The following EVC2 variants were observed in gnomAD, a reference collection of about 807,000 sequenced individuals.
EVC2 encodes EvC ciliary complex subunit 2, also known as limbin.
A neutral mutation model predicts 149.3 loss-of-function variants in EVC2; 148 were observed. The observed-to-expected ratio is 0.99, with a 90% CI of 0.87 to 1.14. The LOEUF is 1.14. Among genes scored for constraint, EVC2 ranks in the 50% most tolerant of loss-of-function variants. The pLI, the probability that EVC2 is intolerant of heterozygous loss-of-function variation, is 0.00. For missense variants in EVC2, 1,854 were observed against 1,627.3 expected (o/e 1.14, Z -2.40); for synonymous variants, 776 against 649.9 (o/e 1.19, Z -2.95).
chr4:5,612,225 T>C (rs1245575250), intron 16 of EVC2, among the ~76,000 whole-genome samples: 2 of 152,210 alleles, frequency 1.3e-5, no homozygotes, highest in African/African-American at 4.8e-5. Flanking sequence ...AGCAAGACCT[T>C]AACTTTTAGC....
rs539250447 is a variant in EVC2, at chr4:5,636,813, T to C, written c.1470+3701A>G. ...GAATAATACATCCAAAATATTTTTA[T>C]GTATTTTATTTAAAGATGACTATAA... On this transcript the variant is annotated intron_variant, in intron 10 of 21. Coordinates refer to ENST00000344408, the MANE Select transcript of EVC2 (RefSeq NM_147127.5). The surrounding 1 kb of genome is among the most constrained non-coding windows in gnomAD (Gnocchi z 4.6). Among the ~76,000 whole-genome samples the C allele has an allele frequency of 6.6e-6, 1 of 152,232 alleles. No individual in the cohort carries two copies. Among genetic ancestry groups the C allele is most frequent in the Non-Finnish European group, 1.5e-5 (1 of 68,046 alleles).
Position 5,544,696 on chromosome 4 carries a change from T to G in EVC2, c.3420-1484A>C, listed in dbSNP as rs114765548. On this transcript the variant is annotated intron_variant and NMD_transcript_variant, in intron 21 of 22. Transcript: ENST00000475313. ...CACTTTGTAAACTCCAAAAATAGAA[T>G]CACAGAGAACTAAACAGAGAAGAGA... Among the ~76,000 whole-genome samples, 538 of 152,200 alleles carry G rather than the reference T, an allele frequency of 3.5e-3. 4 individuals are homozygous for G. Among genetic ancestry groups the G allele is most frequent in the African/African-American group, 0.013 (521 of 41,506 alleles).
intron 9 of EVC2, among the ~76,000 whole-genome samples, chr4:5,661,900 T>C (rs1319833484): frequency 6.6e-6 from 1 of 152,228 alleles, no homozygotes; most frequent in Non-Finnish European, 1.5e-5. Flanking sequence ...AATACCTACT[T>C]CATGGGCTTG....
At chr4:5,693,249 T>G (rs1721250288) in intron 3 of EVC2, among the ~76,000 whole-genome samples, 1 of 152,152 alleles carries the variant, frequency 6.6e-6, no homozygotes, top group Non-Finnish European at 1.5e-5. Flanking sequence ...GGTTCAGAGA[T>G]GAACCCCAAA....
intron 16 of EVC2, among the ~76,000 whole-genome samples, chr4:5,598,252 C>T (rs1303661253): frequency 1.3e-5 from 2 of 151,966 alleles, no homozygotes; most frequent in African/African-American, 4.8e-5. Context: ...AAAGAGCCCG[C>T]ATCGCCAAGT....
At chr4:5,659,335 T>A (rs1413650620) in intron 9 of EVC2, among the ~76,000 whole-genome samples, 1 of 152,028 alleles carries the variant, frequency 6.6e-6, no homozygotes, top group Non-Finnish European at 1.5e-5. Flanking sequence ...GACATTTTCT[T>A]TCTGGGAGCA....
intron 17 of EVC2, among the ~76,000 whole-genome samples, chr4:5,582,017 T>C (rs991210539): frequency 2.0e-5 from 3 of 152,158 alleles, no homozygotes; most frequent in East Asian, 1.9e-4. Flanking sequence ...AGAGGATATA[T>C]GGAAAAGTCA....
chr4:5,584,478 AAT>A (rs1210704775), intron 17 of EVC2, 143 bp downstream of exon 17: 1 of 818,654 alleles, frequency 1.2e-6, no homozygotes, highest in Non-Finnish European at 2.0e-6. Flanking sequence ...AGTACTCTCC[AAT>A]ATGTCACTTC....
chr4:5,618,886 G>A lies in EVC2; in HGVS notation c.2502-204C>T, dbSNP rs57824419. Among the ~76,000 whole-genome samples, 18,513 of 152,276 alleles carry A rather than the reference G, an allele frequency of 0.12. 2,311 individuals are homozygous for A. The highest frequency in any genetic ancestry group is 0.32 in the African/African-American group (13,168 of 41,528). On this transcript the variant is annotated intron_variant, in intron 14 of 21. Coordinates refer to ENST00000344408, the MANE Select transcript of EVC2 (RefSeq NM_147127.5). This position sits in a 1 kb window ranked among gnomAD's most constrained non-coding sequence, Gnocchi z 4.4. ...TGCATAGGACATTGTATTGGAGCTA[G>A]GAATGAGAGCTGAATGAGGCCAGGC...
At chr4:5,596,012 G>A (rs1220977737) in intron 16 of EVC2, among the ~76,000 whole-genome samples, 1 of 152,206 alleles carries the variant, frequency 6.6e-6, no homozygotes, top group Non-Finnish European at 1.5e-5. Flanking sequence ...TCGACAAGAA[G>A]AGCTAACTAT....
At chr4:5,531,424 T>C in the EVC2 span, among the ~76,000 whole-genome samples, 2 of 152,140 alleles carry the variant, frequency 1.3e-5, no homozygotes, top group African/African-American at 4.8e-5. Flanking sequence ...CACAAACCCA[T>C]CCGGCCTATG....
At chr4:5,591,173 T>C (rs1471361550) in intron 16 of EVC2, among the ~76,000 whole-genome samples, 1 of 152,182 alleles carries the variant, frequency 6.6e-6, no homozygotes, top group Non-Finnish European at 1.5e-5. Context: ...TATTCATGAC[T>C]CCTCCTATAG....
At chr4:5,533,239 G>A in the EVC2 span, among the ~76,000 whole-genome samples, 1 of 152,112 alleles carries the variant, frequency 6.6e-6, no homozygotes, top group African/African-American at 2.4e-5. Context: ...GGCAACTAGT[G>A]AAGGTCTCGC....
chr4:5,681,174 G>T, intron 7 of EVC2, 86 bp downstream of exon 7: 1 of 1,492,632 alleles, frequency 6.7e-7, no homozygotes, highest in Non-Finnish European at 9.3e-7. Context: ...CCAGCAGCTG[G>T]CCGCTCCCCA....
chr4:5,569,778 A>G lies in EVC2; in HGVS notation c.3361-1138T>C, dbSNP rs1052890233. On this transcript the variant is annotated intron_variant, in intron 19 of 21. Transcript: ENST00000344408. This position sits in a 1 kb window ranked among gnomAD's most constrained non-coding sequence, Gnocchi z 4.8. Reference sequence around the variant, plus strand: ...AACACAGGGACTCGACCCCTTGGAAACATGGGGTCGCTGTGACCTTGGTAA... The same window carrying G: ...AACACAGGGACTCGACCCCTTGGAAGCATGGGGTCGCTGTGACCTTGGTAA... Among the ~76,000 whole-genome samples the G allele has an allele frequency of 1.3e-5, 2 of 152,000 alleles. No homozygotes were observed. Among genetic ancestry groups the G allele is most frequent in the Non-Finnish European group, 2.9e-5 (2 of 67,984 alleles).
chr4:5,642,384 T>C (rs1463287847), intron 9 of EVC2, among the ~76,000 whole-genome samples: 1 of 150,584 alleles, frequency 6.6e-6, no homozygotes, highest in Non-Finnish European at 1.5e-5. Flanking sequence ...CCTCTTTTTT[T>C]CCCCAATTAA....
chr4:5,696,411 G>T lies in EVC2; in HGVS notation c.283+1182C>A, dbSNP rs1472163565. On this transcript the variant is annotated intron_variant, in intron 2 of 21. Transcript: ENST00000344408. The surrounding 1 kb of genome is among the most constrained non-coding windows in gnomAD (Gnocchi z 4.1). ...AATCCCAGCCCATCCCATTCCCCAG[G>T]ACACCAGAGTTAGGCACAGAACCCA... Among the ~76,000 whole-genome samples, 1 of 152,102 alleles carries T rather than the reference G, an allele frequency of 6.6e-6. No homozygotes were observed. Among genetic ancestry groups the T allele is most frequent in the East Asian group, 1.9e-4 (1 of 5,178 alleles).
chr4:5,568,579 C>T lies in EVC2; in HGVS notation c.3422G>A (p.Arg1141Gln), dbSNP rs778201846. ...TGTGGGCAGTACCACACTCAGGAGC[C>T]GGCGAAGCGTGGCCCCGGGCACCAT... ...MAMVPGATLR[R>Q]LLSVVLPTAS... is the part of the protein sequence containing the mutation. The change falls in exon 20 of 22, where the codon CGG (arginine) becomes CAG (glutamine). Residue 1141 changes from arginine (R) to glutamine (Q), a missense_variant. Transcript: ENST00000344408. The T allele has an allele frequency of 2.0e-5, 32 of 1,607,626 alleles. No individual in the cohort carries two copies. Among genetic ancestry groups the T allele is most frequent in the South Asian group, 1.1e-4 (10 of 89,882 alleles).
At chr4:5,600,345 C>G (rs559214524) in intron 16 of EVC2, among the ~76,000 whole-genome samples, 137 of 152,244 alleles carry the variant, frequency 9.0e-4, no homozygotes, top group African/African-American at 3.0e-3. Context: ...CATAGGATTT[C>G]TTTCAAGTTG....
Sources: allele counts gnomAD v4.1 joint callset (sites outside exome capture counted in the v4.1 genomes callset), GRCh38; gene constraint gnomAD v4.1.1; non-coding constraint Gnocchi (gnomAD v3.1); transcripts MANE v1.5; gene names NCBI Gene and HGNC (gene_info 2026-07-23, HGNC 2026-07-21).